ARHGAP30: variants seen among roughly 807,000 people sequenced by gnomAD.
ARHGAP30 encodes the protein Rho GTPase activating protein 30.
In ARHGAP30, 23 loss-of-function variants were observed where a neutral mutation model predicts 72.0. The observed-to-expected ratio is 0.32, with a 90% CI of 0.23 to 0.45. ARHGAP30 has a LOEUF of 0.45. ARHGAP30 is among the 20% of genes least tolerant of loss of function. The probability of loss-of-function intolerance (pLI) is 1.00; values close to 1 mark genes in which losing one functional copy is unlikely to be tolerated. For synonymous variants in ARHGAP30, 576 were observed against 528.2 expected, an observed-to-expected ratio of 1.09 and a Z score of -1.24; for missense variants, 1,319 against 1,383.4, an observed-to-expected ratio of 0.95 and a Z score of 0.74.
At chr1:161,059,180 C>A (rs1357355588) in intron 2 of ARHGAP30, among the ~76,000 whole-genome samples, 2 of 151,898 alleles carry the variant, frequency 1.3e-5, no homozygotes, top group African/African-American at 4.8e-5. Flanking sequence ...AGGTGTGTGC[C>A]ACCACACCCA....
chr1:161,050,506 A>C (rs924916864), intron 10 of ARHGAP30, among the ~76,000 whole-genome samples: 9 of 151,526 alleles, frequency 5.9e-5, no homozygotes, highest in African/African-American at 1.9e-4. Flanking sequence ...ACGGGGTTTC[A>C]CCATGTTGAC....
At chr1:161,068,912 C>T (rs1308500404) in intron 1 of ARHGAP30, among the ~76,000 whole-genome samples, 3 of 152,140 alleles carry the variant, frequency 2.0e-5, no homozygotes, top group African/African-American at 7.2e-5. Flanking sequence ...CCTTGCCCCC[C>T]ACTTTGAACC....
Position 161,054,358 on chromosome 1 carries a change from G to T in ARHGAP30, c.536+8C>A. The T allele has an allele frequency of 1.2e-6, 2 of 1,611,880 alleles. No individual in the cohort carries two copies. Among genetic ancestry groups the T allele is most frequent in the Non-Finnish European group, 1.7e-6 (2 of 1,178,722 alleles). ...GGATCCCCATACACTGCTCACACAG[G>T]CACCTACCTCAGCAGGTTGGGAGCC... On this transcript the variant is annotated splice_region_variant and intron_variant, in intron 5 of 11. Transcript: ENST00000368013.
In ARHGAP30 at chr1:161,051,400, C is replaced by T. The variant is rs748726115; in HGVS notation, c.1334G>A (p.Arg445His). Residue 445 changes from arginine to histidine, a missense_variant, in exon 10 of 12, where the codon CGT (arginine) becomes CAT (histidine). This residue lies in a region of ARHGAP30 where 1,097 missense variants were observed against 1,045.2 expected (regional missense o/e 1.05). Coordinates refer to ENST00000368013, the MANE Select transcript of ARHGAP30 (RefSeq NM_001025598.2). Reference sequence around the variant, plus strand: ...CTGTAGAGCAGGGCACTCAAGGCCACGGGTGAGCCTGGCCAAGGAAACGTT... The same window carrying T: ...CTGTAGAGCAGGGCACTCAAGGCCATGGGTGAGCCTGGCCAAGGAAACGTT... ...ISNVSLARLT[R>H]GLECPALQHR... is the part of the protein sequence containing the mutation. 1.7e-5 allele frequency: 27 copies of T among 1,613,872 alleles called. No individual in the cohort carries two copies. The highest frequency in any genetic ancestry group is 3.3e-5 in the Admixed American group (2 of 60,008).
Position 161,051,714 on chromosome 1 carries a change from C to T in ARHGAP30, c.1020G>A (p.Glu340=), listed in dbSNP as rs775217081. The T allele has an allele frequency of 2.0e-5, 32 of 1,601,882 alleles. No individual in the cohort carries two copies. The Admixed American group carries it at 3.1e-4, about 15-fold the overall frequency. The change falls in exon 10 of 12, where the codon GAG becomes GAA. Residue 340 remains glutamate, a splice_region_variant and synonymous_variant. Transcript: ENST00000368013. ...TGCTGGGCCCCACCAGCCCCTCTGGCTCTGTGGAGGAAAAAGAGGGCCAGG... is the reference window on the plus strand; with the variant it reads ...TGCTGGGCCCCACCAGCCCCTCTGGTTCTGTGGAGGAAAAAGAGGGCCAGG... ...SLSAAAGASD[E]PEGLVGPSSP...
chr1:161,053,061 A>C, intron 6 of ARHGAP30, 197 bp downstream of exon 6: 1 of 922,810 alleles, frequency 1.1e-6, no homozygotes, highest in Non-Finnish European at 1.6e-6. Context: ...CTCAGAGGTC[A>C]AGCCATGCCC....
rs1245988045 is a variant in ARHGAP30, at chr1:161,069,439, G to C, written c.97+89C>G. On this transcript the variant is annotated intron_variant, in intron 1 of 11. Transcript: ENST00000368013. The surrounding 1 kb of genome is among the most constrained non-coding windows in gnomAD (Gnocchi z 4.9). ...CACTGCCCCTTCCCCAGGAGCACCG[G>C]AAACTGCTTCTGCCCTTCAGGCTGG... 3 of 1,370,710 alleles carry C rather than the reference G, an allele frequency of 2.2e-6. No individual in the cohort carries two copies. The East Asian group carries it at 6.9e-5, about 32-fold the overall frequency. 84.9% of individuals were successfully genotyped at this position (1,370,710 alleles called of 1,614,324 possible).
chr1:161,064,823 GAAAGAAAGAGA>G (rs757813793), intron 1 of ARHGAP30, among the ~76,000 whole-genome samples: 1 of 63,914 alleles, frequency 1.6e-5, no homozygotes, highest in Non-Finnish European at 2.8e-5. Flanking sequence ...AAGAAAGAAA[GAAAGAAAGAGA>G]AAGAAAGAAA....
intron 1 of ARHGAP30, among the ~76,000 whole-genome samples, chr1:161,061,264 C>T (rs1652290377): frequency 2.0e-5 from 3 of 152,044 alleles, no homozygotes; most frequent in Non-Finnish European, 4.4e-5. Flanking sequence ...CTCCCAGGTT[C>T]AAGCAATTTT....
At chr1:161,064,948 G>A (rs1652655766) in intron 1 of ARHGAP30, among the ~76,000 whole-genome samples, 2 of 151,374 alleles carry the variant, frequency 1.3e-5, no homozygotes, top group Non-Finnish European at 2.9e-5. Flanking sequence ...GGGAAGGGAA[G>A]AAGGGAAGGG....
chr1:161,069,605 C>G lies in ARHGAP30; in HGVS notation c.20G>C (p.Gly7Ala). Residue 7 changes from glycine (G) to alanine (A), a missense_variant, in exon 1 of 12, where the codon GGA (glycine) becomes GCA (alanine). Gly to Ala is a moderately conservative substitution (Grantham distance 60, BLOSUM62 0). Transcript: ENST00000368013. The surrounding 1 kb of genome is among the most constrained non-coding windows in gnomAD (Gnocchi z 4.9). MKSRQK[G>A]KKKGSAKERV... ...CTCCTTTGCGCTGCCCTTCTTCTTT[C>G]CTTTCTGCCGAGACTTCATGGCCAG... 6.2e-7 allele frequency: 1 copy of G among 1,610,838 alleles called. No homozygotes were observed.
rs563792024 is a variant in ARHGAP30 at position 161,058,567 on chromosome 1, C to T, written c.200+1047G>A. On this transcript the variant is annotated intron_variant, in intron 2 of 11. Transcript: ENST00000368013. ...ACTTGAACCCAGGAGGCAGAGGTTG[C>T]AATGAGCCAAGATCACGACACTGCA... 1.3e-3 allele frequency among the ~76,000 whole-genome samples: 179 copies of T among 142,034 alleles called. 1 individual carries two copies. In the South Asian group the frequency reaches 0.029, roughly 23 times the overall value. 93.2% of individuals were successfully genotyped at this position (142,034 alleles called of 152,430 possible).
chr1:161,051,570 T>C lies in ARHGAP30; in HGVS notation c.1164A>G (p.Thr388=). The part of the protein sequence containing the change: ...ALGGTNSEPG[T]PRAGRSAIRA... ...GGATGGCTGACCGCCCAGCTCGTGGTGTGCCTGGTTCAGAGTTTGTGCCAC... is the reference window on the plus strand; with the variant it reads ...GGATGGCTGACCGCCCAGCTCGTGGCGTGCCTGGTTCAGAGTTTGTGCCAC... The change falls in exon 10 of 12, where the codon ACA becomes ACG. Residue 388 remains threonine (T), a synonymous_variant. Transcript: ENST00000368013. 6.2e-7 allele frequency: 1 copy of C among 1,614,058 alleles called. No homozygotes were observed. Among genetic ancestry groups the C allele is most frequent in the Non-Finnish European group, 8.5e-7 (1 of 1,180,040 alleles).
At chr1:161,055,860 TA>T (rs755131835) in intron 3 of ARHGAP30, among the ~76,000 whole-genome samples, 19 of 110,768 alleles carry the variant, frequency 1.7e-4, no homozygotes, top group Middle Eastern at 4.5e-3. Flanking sequence ...ATAAAATAAA[TA>T]AAATAAAATA....
At position 161,051,358 on chromosome 1, in the gene ARHGAP30, G is replaced by C; in HGVS notation, c.1376C>G (p.Ala459Gly). Residue 459 changes from alanine to glycine, a missense_variant, in exon 10 of 12, where the codon GCC (alanine) becomes GGC (glycine). Physicochemically the swap from Ala to Gly is moderately conservative, Grantham distance 60. Coordinates refer to ENST00000368013, the MANE Select transcript of ARHGAP30 (RefSeq NM_001025598.2). The stretch of plus-strand genomic sequence containing the variant: ...GCCAGGGCCAGGGCCAGGGCCAGAG[G>C]CAGGGCTTGGCCGGTGCTGTAGAGC... ...CPALQHRPSP[A>G]SGPGPGPGLG... The C allele has an allele frequency of 6.2e-7, 1 of 1,612,506 alleles. No homozygotes were observed. Among genetic ancestry groups the C allele is most frequent in the South Asian group, 1.1e-5 (1 of 90,912 alleles).
Position 161,048,447 on chromosome 1 carries a change from C to A in ARHGAP30, c.2574G>T (p.Glu858Asp). ...DQRAGGYYLEEDTLSEGSGVA... is the reference protein window; with the variant it reads ...DQRAGGYYLEDDTLSEGSGVA... ...CACCTGAACCTTCAGAGAGGGTGTC[C>A]TCTTCTAAATAGTACCCTCCAGCCC... The change falls in exon 12 of 12, where the codon GAG (glutamate) becomes GAT (aspartate). Residue 858 changes from glutamate (E) to aspartate (D), a missense_variant. By Grantham distance (45) the Glu-to-Asp change is conservative. Around this residue, in one of 2 missense-constraint regions of ARHGAP30, gnomAD observed 1,097 missense variants for 1,045.2 expected, o/e 1.05. Transcript: ENST00000368013. The A allele has an allele frequency of 6.2e-7, 1 of 1,614,106 alleles. No homozygotes were observed. The highest frequency in any genetic ancestry group is 8.5e-7 in the Non-Finnish European group (1 of 1,180,008).
rs776037650 is a variant in ARHGAP30 at position 161,049,561 on chromosome 1, T to G, written c.1549A>C (p.Ser517Arg). ...CCCACCCACTCAGGTTCTGAGCTGCTTGAGTCCTCTAGGAAGGAGAAGGAG... is the reference window on the plus strand; with the variant it reads ...CCCACCCACTCAGGTTCTGAGCTGCGTGAGTCCTCTAGGAAGGAGAAGGAG... Reference protein sequence around the residue: ...QDSFSFLEDSSSSEPEWVGAE... With the variant: ...QDSFSFLEDSRSSEPEWVGAE... The change falls in exon 11 of 12, where the codon AGC becomes CGC. Residue 517 changes from serine (S) to arginine (R), a missense_variant. Coordinates refer to ENST00000368013, the MANE Select transcript of ARHGAP30 (RefSeq NM_001025598.2). The G allele has an allele frequency of 1.9e-6, 3 of 1,614,134 alleles. No individual in the cohort carries two copies. The highest frequency in any genetic ancestry group is 2.2e-5 in the South Asian group (2 of 91,086).
intron 1 of ARHGAP30, among the ~76,000 whole-genome samples, chr1:161,061,032 T>G (rs1652276599): frequency 6.6e-6 from 1 of 151,936 alleles, no homozygotes; most frequent in Non-Finnish European, 1.5e-5. Context: ...TGCATTTACT[T>G]AACACTCTAC....
At chr1:161,068,372 T>C (rs1245732786) in intron 1 of ARHGAP30, among the ~76,000 whole-genome samples, 1 of 152,148 alleles carries the variant, frequency 6.6e-6, no homozygotes, top group Non-Finnish European at 1.5e-5. Flanking sequence ...GTCTGGGCTT[T>C]CCCTTAACCA....
Sources: allele counts gnomAD v4.1 joint callset (sites outside exome capture counted in the v4.1 genomes callset), GRCh38; gene constraint gnomAD v4.1.1; regional missense constraint gnomAD v4.1.1; non-coding constraint Gnocchi (gnomAD v3.1); transcripts MANE v1.5; gene names NCBI Gene and HGNC (gene_info 2026-07-23, HGNC 2026-07-21).